SMYD3: variants seen among roughly 807,000 people sequenced by gnomAD.
SMYD3 encodes the protein histone-lysine N-methyltransferase SMYD3.
Under a neutral mutation model 57.7 loss-of-function variants are expected in SMYD3, and 36 were observed. The observed-to-expected ratio is 0.62, with a 90% confidence interval of 0.48 to 0.82. The LOEUF is 0.82. Ranked by LOEUF, SMYD3 falls within the 40% of genes least tolerant of loss-of-function variation. The pLI, the probability that SMYD3 is intolerant of heterozygous loss-of-function variation, is 0.00. For synonymous variants in SMYD3, 211 were observed against 195.0 expected, an observed-to-expected ratio of 1.08 and a Z score of -0.68; for missense variants, 515 against 538.8, an observed-to-expected ratio of 0.96 and a Z score of 0.44.
chr1:245,771,427 G>A (rs1181202946), intron 10 of SMYD3, among the ~76,000 whole-genome samples: 2 of 152,098 alleles, frequency 1.3e-5, no homozygotes, highest in Non-Finnish European at 2.9e-5. Flanking sequence ...TAGAAATGAT[G>A]GACTTCAGGA....
At chr1:246,329,940 T>C (rs1315216935) in intron 4 of SMYD3, among the ~76,000 whole-genome samples, 1 of 152,174 alleles carries the variant, frequency 6.6e-6, no homozygotes, top group East Asian at 1.9e-4. Context: ...AAACGAAACC[T>C]ACCTTTGCTT....
At chr1:245,916,540 A>T (rs923915551) in intron 7 of SMYD3, among the ~76,000 whole-genome samples, 2 of 152,130 alleles carry the variant, frequency 1.3e-5, no homozygotes, top group East Asian at 3.9e-4. Flanking sequence ...TCCAAGTTGA[A>T]GCCTCAGAGT....
chr1:245,779,654 TACTTATCA>T lies in SMYD3; in HGVS notation c.1077-15513_1077-15506del, dbSNP rs200749257. Reference sequence around the variant, plus strand: ...CTCTGCAGCTATGAATCTTGTTTTATACTTATCAACTTATCAACTTGTAAGATTTTGAC... The same window carrying T: ...CTCTGCAGCTATGAATCTTGTTTTATACTTATCAACTTGTAAGATTTTGAC... On this transcript the variant is annotated intron_variant, in intron 10 of 11. Transcript: ENST00000490107. Among the ~76,000 whole-genome samples the T allele has an allele frequency of 5.5e-3, 841 of 152,360 alleles. 4 individuals are homozygous for T. The highest frequency in any genetic ancestry group is 0.019 in the African/African-American group (806 of 41,588).
chr1:246,337,542 G>A (rs1572395621), intron 2 of SMYD3, among the ~76,000 whole-genome samples: 1 of 152,092 alleles, frequency 6.6e-6, no homozygotes, highest in African/African-American at 2.4e-5. Flanking sequence ...GTTTTCCTTT[G>A]ATTATAGAAG....
chr1:246,015,916 T>C (rs1421803100), intron 5 of SMYD3, among the ~76,000 whole-genome samples: 1 of 152,200 alleles, frequency 6.6e-6, no homozygotes, highest in Non-Finnish European at 1.5e-5. Context: ...GGTGTATACC[T>C]AGAAAGAGAA....
At chr1:245,904,956 C>T (rs915987356) in intron 8 of SMYD3, among the ~76,000 whole-genome samples, 4 of 151,700 alleles carry the variant, frequency 2.6e-5, no homozygotes, top group Admixed American at 6.6e-5. Flanking sequence ...CATTCCAGAC[C>T]GTAGCTCCCA....
intron 1 of SMYD3, among the ~76,000 whole-genome samples, chr1:246,470,812 G>C (rs985508053): frequency 1.3e-5 from 2 of 152,044 alleles, no homozygotes; most frequent in Non-Finnish European, 2.9e-5. Flanking sequence ...AAATGAACTA[G>C]AGATCAAAAG....
intron 5 of SMYD3, among the ~76,000 whole-genome samples, chr1:246,195,696 C>T (rs1459390367): frequency 1.3e-5 from 2 of 152,124 alleles, no homozygotes; most frequent in Non-Finnish European, 2.9e-5. Flanking sequence ...GTTAACTTTC[C>T]CTGTGTTGAC....
At chr1:246,433,016 A>G (rs1268499918) in intron 1 of SMYD3, among the ~76,000 whole-genome samples, 1 of 152,222 alleles carries the variant, frequency 6.6e-6, no homozygotes, top group African/African-American at 2.4e-5. Flanking sequence ...CCAAACAGGA[A>G]AAGAAGTCAA....
intron 10 of SMYD3, among the ~76,000 whole-genome samples, chr1:245,838,390 T>C (rs560744683): frequency 3.6e-4 from 55 of 152,274 alleles, no homozygotes; most frequent in Middle Eastern, 3.4e-3. Flanking sequence ...ACCTTCACCC[T>C]GCGGGGGATG....
chr1:245,920,262 G>A (rs970517696), intron 7 of SMYD3, among the ~76,000 whole-genome samples: 2 of 145,404 alleles, frequency 1.4e-5, no homozygotes, highest in Admixed American at 7.0e-5. Context: ...GCAGTGAGAC[G>A]AGATCATGCC....
At chr1:246,085,464 G>A (rs1018230793) in intron 5 of SMYD3, among the ~76,000 whole-genome samples, 1 of 152,018 alleles carries the variant, frequency 6.6e-6, no homozygotes, top group Non-Finnish European at 1.5e-5. Context: ...TACGTTTTAT[G>A]ACCTTCCCCG....
At chr1:246,097,063 C>A (rs1214689700) in intron 5 of SMYD3, among the ~76,000 whole-genome samples, 1 of 152,156 alleles carries the variant, frequency 6.6e-6, no homozygotes, top group Non-Finnish European at 1.5e-5. Flanking sequence ...TCTTTCATTA[C>A]AAAGTATTTC....
chr1:246,090,763 G>A (rs7540406), intron 5 of SMYD3, among the ~76,000 whole-genome samples: 10,331 of 151,864 alleles, frequency 0.068, 407 homozygotes, highest in African/African-American at 0.08. Flanking sequence ...GGATACACCC[G>A]CCCTCCGCCT....
intron 1 of SMYD3, among the ~76,000 whole-genome samples, chr1:246,362,886 C>T (rs1276166314): frequency 1.3e-4 from 19 of 151,862 alleles, no homozygotes; most frequent in Non-Finnish European, 2.4e-4. Context: ...GCCGCCACCC[C>T]GTCTGGGAAG....
At chr1:246,044,376 C>T (rs6426265) in intron 5 of SMYD3, among the ~76,000 whole-genome samples, 70,674 of 152,048 alleles carry the variant, frequency 0.46, 17,876 homozygotes, top group East Asian at 0.8. Flanking sequence ...AACTCCATGT[C>T]AAATGGAGAT....
intron 10 of SMYD3, among the ~76,000 whole-genome samples, chr1:245,832,190 G>A (rs887315641): frequency 2.0e-5 from 3 of 152,190 alleles, no homozygotes; most frequent in African/African-American, 4.8e-5. Context: ...TTCGGGGCTC[G>A]TTTATATAAT....
intron 5 of SMYD3, among the ~76,000 whole-genome samples, chr1:246,264,191 G>C (rs1332591377): frequency 6.6e-6 from 1 of 151,612 alleles, no homozygotes; most frequent in Non-Finnish European, 1.5e-5. Context: ...CTATCACTTG[G>C]GACTGTATAT....
chr1:246,025,390 C>T (rs962325495), intron 5 of SMYD3, among the ~76,000 whole-genome samples: 3 of 152,022 alleles, frequency 2.0e-5, no homozygotes, highest in African/African-American at 7.2e-5. Flanking sequence ...ATGACAGTGG[C>T]CATCAGAAAG....
Sources: gnomAD v4.1 joint callset for allele counts (sites outside exome capture counted in the v4.1 genomes callset) on GRCh38, gnomAD v4.1.1 for gene constraint, MANE v1.5 for transcripts, NCBI Gene and HGNC (gene_info 2026-07-23, HGNC 2026-07-21) for gene names.